HTRA1: variants seen among roughly 807,000 people sequenced by gnomAD.
HTRA1 encodes serine protease HTRA1.
Under a neutral mutation model 49.7 loss-of-function variants are expected in HTRA1, and 26 were observed. The observed-to-expected ratio is 0.52, with a 90% CI of 0.38 to 0.73. The LOEUF (loss-of-function observed/expected upper bound fraction) is 0.73. Ranked by LOEUF, HTRA1 falls within the 30% of genes least tolerant of loss-of-function variation. HTRA1 has a pLI of 0.00. For synonymous variants in HTRA1, 291 were observed against 286.9 expected, an observed-to-expected ratio of 1.01 and a Z score of -0.14; for missense variants, 561 against 667.2, an observed-to-expected ratio of 0.84 and a Z score of 1.75.
At chr10:122,496,772 C>T (rs1239094045) in intron 3 of HTRA1, among the ~76,000 whole-genome samples, 2 of 152,194 alleles carry the variant, frequency 1.3e-5, no homozygotes, top group African/African-American at 2.4e-5. Context: ...TAATTTCCCA[C>T]TTCTGCTCAG....
intron 1 of HTRA1, among the ~76,000 whole-genome samples, chr10:122,471,174 C>T (rs1429879291): frequency 6.6e-6 from 1 of 152,166 alleles, no homozygotes; most frequent in African/African-American, 2.4e-5. Flanking sequence ...CTTCAGATCC[C>T]AGTCTGACCT....
chr10:122,509,897 C>T (rs539262846), intron 6 of HTRA1, among the ~76,000 whole-genome samples, 199 bp from the exon 7 acceptor site: 1 of 152,254 alleles, frequency 6.6e-6, no homozygotes, highest in East Asian at 1.9e-4. Flanking sequence ...GCCCAGGTAC[C>T]TGACCATTAA....
Position 122,504,667 on chromosome 10 carries a change from C to A in HTRA1, c.778-2024C>A, listed in dbSNP as rs550344989. 5.3e-5 allele frequency among the ~76,000 whole-genome samples: 8 copies of A among 152,342 alleles called. No homozygotes were observed. In the South Asian group the frequency reaches 1.7e-3, roughly 32 times the overall value. On this transcript the variant is annotated intron_variant, in intron 3 of 8. Coordinates refer to ENST00000368984, the MANE Select transcript of HTRA1 (RefSeq NM_002775.5). ...TGGCAGTGTCCCTGGTGGACCTCCC[C>A]TGGTGTGGCCTAGTGCACATCCCAG...
chr10:122,462,735 T>G (rs768798864), intron 1 of HTRA1, among the ~76,000 whole-genome samples: 1 of 152,264 alleles, frequency 6.6e-6, no homozygotes, highest in Non-Finnish European at 1.5e-5. Flanking sequence ...TTGCTGCCTG[T>G]CTTGCTTTCC....
intron 1 of HTRA1, among the ~76,000 whole-genome samples, chr10:122,465,113 A>G (rs2097483273): frequency 6.6e-6 from 1 of 152,166 alleles, no homozygotes; most frequent in Non-Finnish European, 1.5e-5. Flanking sequence ...AAAGGAAAGC[A>G]CTTTCATCTG....
chr10:122,472,579 T>A (rs2097486635), intron 1 of HTRA1, among the ~76,000 whole-genome samples: 1 of 152,010 alleles, frequency 6.6e-6, no homozygotes, highest in African/African-American at 2.4e-5. Flanking sequence ...TATTTTTAAG[T>A]AGAGACAGTT....
intron 7 of HTRA1, among the ~76,000 whole-genome samples, chr10:122,511,743 A>ATT (rs2097505698): frequency 1.3e-5 from 1 of 76,322 alleles, no homozygotes; most frequent in Non-Finnish European, 3.2e-5. Context: ...AAAAAAAAAA[A>ATT]AATAAATAAA....
intron 1 of HTRA1, among the ~76,000 whole-genome samples, chr10:122,462,376 G>A (rs568043372): frequency 6.6e-4 from 100 of 152,362 alleles, no homozygotes; most frequent in African/African-American, 2.3e-3. Context: ...TCTGGGGCTC[G>A]AGACGCCGGG....
intron 7 of HTRA1, 139 bp downstream of exon 7, chr10:122,510,292 G>C (rs2097505026): frequency 1.3e-6 from 1 of 755,554 alleles, no homozygotes; most frequent in Non-Finnish European, 2.4e-6. Flanking sequence ...AGTAGCATCG[G>C]GAAAGAGGAC....
intron 1 of HTRA1, among the ~76,000 whole-genome samples, chr10:122,483,655 G>A (rs1386980822): frequency 6.6e-6 from 1 of 152,128 alleles, no homozygotes; most frequent in African/African-American, 2.4e-5. Flanking sequence ...CTTAATCTAT[G>A]GGTTAATTTG....
chr10:122,482,990 G>C (rs147679940), intron 1 of HTRA1, among the ~76,000 whole-genome samples: 3 of 144,582 alleles, frequency 2.1e-5, no homozygotes, highest in Non-Finnish European at 4.5e-5. Context: ...ACAGATAAAA[G>C]CCTATCCTTT....
chr10:122,509,621 T>G (rs1160684798), intron 6 of HTRA1, among the ~76,000 whole-genome samples: 1 of 152,120 alleles, frequency 6.6e-6, no homozygotes, highest in Non-Finnish European at 1.5e-5. Flanking sequence ...TAACGACATT[T>G]AAGAACAGGG....
At chr10:122,503,474 G>A (rs2097501765) in intron 3 of HTRA1, among the ~76,000 whole-genome samples, 1 of 152,180 alleles carries the variant, frequency 6.6e-6, no homozygotes, top group Non-Finnish European at 1.5e-5. Flanking sequence ...AAGGCAGCTT[G>A]ACCTCATGGA....
intron 3 of HTRA1, among the ~76,000 whole-genome samples, chr10:122,498,657 C>A (rs762168212): frequency 6.6e-6 from 1 of 152,114 alleles, no homozygotes; most frequent in Non-Finnish European, 1.5e-5. Flanking sequence ...AGATTACTGG[C>A]CAAGCCAGCA....
rs190879861 is a variant in HTRA1 at position 122,510,171 on chromosome 10, G to T, written c.1178+18G>T. 6.2e-7 allele frequency: 1 copy of T among 1,605,192 alleles called. No homozygotes were observed. Among genetic ancestry groups the T allele is most frequent in the South Asian group, 1.1e-5 (1 of 90,874 alleles). On this transcript the variant is annotated intron_variant, in intron 7 of 8. Coordinates refer to ENST00000368984, the MANE Select transcript of HTRA1 (RefSeq NM_002775.5). ...ACGTCCAGGTGGGTAAACAGGATGC[G>T]TGTCTGTGTCTTAAATTTTAATAAA...
chr10:122,476,593 A>G (rs1432568616), intron 1 of HTRA1, among the ~76,000 whole-genome samples: 1 of 152,130 alleles, frequency 6.6e-6, no homozygotes, highest in African/African-American at 2.4e-5. Context: ...CCTGCCACCC[A>G]GCGACTGGCC....
intron 1 of HTRA1, among the ~76,000 whole-genome samples, chr10:122,479,584 G>T (rs2097490109): frequency 6.6e-6 from 1 of 152,140 alleles, no homozygotes; most frequent in Non-Finnish European, 1.5e-5. Context: ...ATTGAAGGTT[G>T]GGTGGGATTT....
intron 7 of HTRA1, among the ~76,000 whole-genome samples, chr10:122,511,162 G>A (rs2097505361): frequency 6.6e-6 from 1 of 152,176 alleles, no homozygotes; most frequent in Non-Finnish European, 1.5e-5. Flanking sequence ...TCAGGGAGTG[G>A]TGGCAGGGGT....
chr10:122,491,506 G>A (rs2097495764), intron 3 of HTRA1, among the ~76,000 whole-genome samples: 1 of 152,266 alleles, frequency 6.6e-6, no homozygotes, highest in Non-Finnish European at 1.5e-5. Context: ...CATGGGCTGT[G>A]TGCAGGCGAG....
Sources: allele counts gnomAD v4.1 joint callset (sites outside exome capture counted in the v4.1 genomes callset), GRCh38; gene constraint gnomAD v4.1.1; transcripts MANE v1.5; gene names NCBI Gene and HGNC (gene_info 2026-07-23, HGNC 2026-07-21).